TBC1D4: variants seen among roughly 807,000 people sequenced by gnomAD.
TBC1D4 encodes the protein TBC (Tre-2, BUB2, CDC16) domain-containing protein.
In TBC1D4, 121 loss-of-function variants were observed where a neutral mutation model predicts 142.5. The ratio of observed to expected loss-of-function variants is 0.85; its 90% CI spans 0.73 to 0.99. The LOEUF is 0.99. Ranked by LOEUF, TBC1D4 falls within the 50% of genes least tolerant of loss-of-function variation. The pLI, the probability that TBC1D4 is intolerant of heterozygous loss-of-function variation, is 0.00. For synonymous variants in TBC1D4, 630 were observed against 628.2 expected, an observed-to-expected ratio of 1.00 and a Z score of -0.04; for missense variants, 1,475 against 1,606.6, an observed-to-expected ratio of 0.92 and a Z score of 1.40.
rs185687074 is a variant in TBC1D4 at position 75,328,630 on chromosome 13, C to A, written c.1732-804G>T. On this transcript the variant is annotated intron_variant, in intron 8 of 20. Transcript: ENST00000377636. ...AAGGTCTTAAAAGACAAAACACAGA[C>A]TGAGGAGTTCCACACAACTCTAGAG... Among the ~76,000 whole-genome samples the A allele has an allele frequency of 6.3e-4, 96 of 152,246 alleles. 1 individual carries two copies. The highest frequency in any genetic ancestry group is 2.2e-3 in the African/African-American group (91 of 41,554).
At chr13:75,455,578 T>C (rs895067452) in intron 1 of TBC1D4, among the ~76,000 whole-genome samples, 11 of 152,074 alleles carry the variant, frequency 7.2e-5, no homozygotes, top group Admixed American at 5.9e-4. Flanking sequence ...TTTTAAAATA[T>C]ATACTTTTTT....
intron 1 of TBC1D4, among the ~76,000 whole-genome samples, chr13:75,375,278 G>A (rs544265664): frequency 2.3e-4 from 35 of 152,334 alleles, no homozygotes; most frequent in African/African-American, 7.7e-4. Flanking sequence ...ATCCTTAGAG[G>A]TGTGGTAAAT....
intron 20 of TBC1D4, 73 bp from the exon 21 acceptor site, chr13:75,287,098 C>T: frequency 1.6e-6 from 2 of 1,225,540 alleles, no homozygotes; most frequent in South Asian, 1.2e-5. Flanking sequence ...CACATATTAA[C>T]CAATTACTTC....
intron 1 of TBC1D4, among the ~76,000 whole-genome samples, chr13:75,442,779 GAA>G (rs545872938): frequency 2.2e-5 from 3 of 133,528 alleles, no homozygotes; most frequent in Non-Finnish European, 4.8e-5. Context: ...CTCGGTTTCG[GAA>G]AAAAAAAAAA....
intron 1 of TBC1D4, among the ~76,000 whole-genome samples, chr13:75,372,424 G>T (rs372393478): frequency 3.3e-5 from 5 of 151,858 alleles, no homozygotes; most frequent in African/African-American, 1.2e-4. Flanking sequence ...CGCCCACCAG[G>T]ATGCCCGGCT....
intron 1 of TBC1D4, among the ~76,000 whole-genome samples, chr13:75,423,340 A>G (rs1268268655): frequency 6.6e-6 from 1 of 152,198 alleles, no homozygotes; most frequent in Non-Finnish European, 1.5e-5. Context: ...TCCAAAAGAA[A>G]GCAGTATGAT....
At chr13:75,426,684 C>T (rs1332506680) in intron 1 of TBC1D4, among the ~76,000 whole-genome samples, 1 of 152,096 alleles carries the variant, frequency 6.6e-6, no homozygotes, top group Non-Finnish European at 1.5e-5. Flanking sequence ...ACAGACTATT[C>T]ATGTCCAAAA....
chr13:75,448,740 C>A (rs1490113165), intron 1 of TBC1D4, among the ~76,000 whole-genome samples: 1 of 151,742 alleles, frequency 6.6e-6, no homozygotes, highest in South Asian at 2.1e-4. Flanking sequence ...AATGAGTAGA[C>A]TTATTAAAAA....
chr13:75,374,117 T>C (rs1257941140), intron 1 of TBC1D4, among the ~76,000 whole-genome samples: 1 of 152,140 alleles, frequency 6.6e-6, no homozygotes, highest in Non-Finnish European at 1.5e-5. Flanking sequence ...CATCACCATA[T>C]TGCTTGAAAG....
intron 1 of TBC1D4, among the ~76,000 whole-genome samples, chr13:75,383,967 T>G (rs140367592): frequency 1.9e-3 from 286 of 152,164 alleles, no homozygotes; most frequent in African/African-American, 6.3e-3. Flanking sequence ...TTAAACCATT[T>G]CAAAACTTAT....
chr13:75,405,035 T>C (rs1057294211), intron 1 of TBC1D4, among the ~76,000 whole-genome samples: 8 of 152,142 alleles, frequency 5.3e-5, no homozygotes, highest in African/African-American at 9.7e-5. Flanking sequence ...AGGGTTGCAG[T>C]TTCCCCTGAC....
At chr13:75,425,835 C>A (rs1886351457) in intron 1 of TBC1D4, among the ~76,000 whole-genome samples, 1 of 152,054 alleles carries the variant, frequency 6.6e-6, no homozygotes, top group Admixed American at 6.6e-5. Flanking sequence ...AGATGTTAGT[C>A]ACAGAACACA....
At chr13:75,326,915 C>T (rs1185724702) in intron 9 of TBC1D4, among the ~76,000 whole-genome samples, 1 of 152,140 alleles carries the variant, frequency 6.6e-6, no homozygotes, top group Non-Finnish European at 1.5e-5. Flanking sequence ...GCCTAAGTGT[C>T]CAAGTCTCAT....
chr13:75,351,575 C>A (rs1455800120), intron 4 of TBC1D4, among the ~76,000 whole-genome samples: 1 of 136,370 alleles, frequency 7.3e-6, no homozygotes, highest in Non-Finnish European at 1.6e-5. Flanking sequence ...CCCCCTCCCC[C>A]CACCCCACAA....
chr13:75,478,765 T>C (rs1462589269), intron 1 of TBC1D4, among the ~76,000 whole-genome samples: 1 of 152,194 alleles, frequency 6.6e-6, no homozygotes, highest in Non-Finnish European at 1.5e-5. Flanking sequence ...TGGTCCCAGC[T>C]TCCCCTACTA....
intron 1 of TBC1D4, among the ~76,000 whole-genome samples, chr13:75,458,534 G>A (rs987140891): frequency 6.6e-6 from 1 of 152,152 alleles, no homozygotes; most frequent in African/African-American, 2.4e-5. Context: ...CTAGGCTTGA[G>A]GATTGGGCCT....
chr13:75,303,538 A>G (rs571609473), intron 15 of TBC1D4, among the ~76,000 whole-genome samples: 2 of 152,310 alleles, frequency 1.3e-5, no homozygotes, highest in Admixed American at 6.5e-5. Context: ...ACAGAATTCA[A>G]TTCTGCACAG....
chr13:75,326,465 G>T (rs780922818), intron 9 of TBC1D4, 42 bp from the exon 10 acceptor site: 1 of 1,603,488 alleles, frequency 6.2e-7, no homozygotes, highest in South Asian at 1.1e-5. Flanking sequence ...TCCCACGTGG[G>T]TCATGGCAGA....
At chr13:75,323,944 C>T (rs1878995924) in intron 11 of TBC1D4, among the ~76,000 whole-genome samples, 1 of 151,840 alleles carries the variant, frequency 6.6e-6, no homozygotes, top group South Asian at 2.1e-4. Flanking sequence ...ATCAGTTGTG[C>T]TAACAATACA....
Sources: gnomAD v4.1 joint callset for allele counts (sites outside exome capture counted in the v4.1 genomes callset) on GRCh38, gnomAD v4.1.1 for gene constraint, MANE v1.5 for transcripts, NCBI Gene and HGNC (gene_info 2026-07-23, HGNC 2026-07-21) for gene names.